Variants in LPCAT1 observed in about 807,000 individuals in gnomAD.
The protein encoded by LPCAT1 is 1-acylglycerol-3-phosphate O-acyltransferase.
Under a neutral mutation model 60.9 loss-of-function variants are expected in LPCAT1, and 23 were observed. The ratio of observed to expected loss-of-function variants is 0.38; its 90% CI spans 0.27 to 0.53. The LOEUF is 0.53. Ranked by LOEUF, LPCAT1 falls within the 20% of genes least tolerant of loss-of-function variation. The pLI is 0.82. For missense variants in LPCAT1, 622 were observed against 723.6 expected (o/e 0.86, Z 1.61); for synonymous variants, 340 against 301.1 (o/e 1.13, Z -1.34).
intron 12 of LPCAT1, among the ~76,000 whole-genome samples, chr5:1,467,487 G>T (rs1355358807): frequency 6.6e-6 from 1 of 152,146 alleles, no homozygotes; most frequent in Admixed American, 6.5e-5. Context: ...TCCTGCTCCA[G>T]GTGTGGAAGC....
intron 2 of LPCAT1, among the ~76,000 whole-genome samples, chr5:1,499,352 G>C (rs933773456): frequency 1.2e-4 from 19 of 152,274 alleles, no homozygotes; most frequent in Admixed American, 1.1e-3. Flanking sequence ...AAAGCACCAC[G>C]AAGCCATTGC....
In LPCAT1 at chr5:1,523,802, T is replaced by C; in HGVS notation, c.43A>G (p.Ser15Gly). 1 of 1,104,028 alleles carries C rather than the reference T, an allele frequency of 9.1e-7. No homozygotes were observed. The highest frequency in any genetic ancestry group is 3.7e-5 in the South Asian group (1 of 27,068). The allele number at this position is 1,104,028 out of a possible 1,614,324, so 68.4% of individuals were successfully genotyped here. The change falls in exon 1 of 14, where the codon AGC (serine) becomes GGC (glycine). Residue 15 changes from serine (S) to glycine (G), a missense_variant. Transcript: ENST00000283415. The surrounding 1 kb of genome is among the most constrained non-coding windows in gnomAD (Gnocchi z 7.1). ...GCGPRAAPAS[S>G]AGASDARLLA... is the part of the protein sequence containing the mutation. ...AGCCGAGCGTCGCTGGCCCCTGCGC[T>C]GGAGGCAGGGGCGGCCCGGGGTCCG...
intron 1 of LPCAT1, among the ~76,000 whole-genome samples, chr5:1,508,984 G>A (rs779746790): frequency 2.6e-5 from 4 of 152,264 alleles, no homozygotes; most frequent in Admixed American, 6.5e-5. Context: ...GTGCACTCAC[G>A]CCATCGCGGT....
rs529837008 is a variant in LPCAT1 at position 1,519,078 on chromosome 5, G to A, written c.135+4632C>T. Among the ~76,000 whole-genome samples, 8 of 152,372 alleles carry A rather than the reference G, an allele frequency of 5.3e-5. No homozygotes were observed. In the South Asian group the frequency reaches 1.4e-3, roughly 28 times the overall value. On this transcript the variant is annotated intron_variant, in intron 1 of 13. Coordinates refer to ENST00000283415, the MANE Select transcript of LPCAT1 (RefSeq NM_024830.5). ...GAGTTTTAAAAGTTGGCACAGATGC[G>A]TGCTGACAATATAAGATAAAGGGCT...
At position 1,483,801 on chromosome 5, in the gene LPCAT1, GAC is replaced by G. The variant is rs1735261530; in HGVS notation, c.668-317_668-316del. Among the ~76,000 whole-genome samples the G allele has an allele frequency of 6.7e-6, 1 of 149,862 alleles. No homozygotes were observed. Among genetic ancestry groups the G allele is most frequent in the East Asian group, 2.0e-4 (1 of 4,964 alleles). On this transcript the variant is annotated intron_variant, in intron 5 of 13. Coordinates refer to ENST00000283415, the MANE Select transcript of LPCAT1 (RefSeq NM_024830.5). This position sits in a 1 kb window ranked among gnomAD's most constrained non-coding sequence, Gnocchi z 9.2. ...TTATAACATTGCGCACGAGCTGGAA[GAC>G]ATCCGTGGAGGGACACTTTCTGCTG... is the stretch of plus-strand genomic sequence containing the variant.
At position 1,523,864 on chromosome 5, in the gene LPCAT1, G is replaced by T; in HGVS notation, c.-20C>A. The T allele has an allele frequency of 9.6e-7, 1 of 1,043,044 alleles. No homozygotes were observed. The allele number at this position is 1,043,044 out of a possible 1,614,324, so 64.6% of individuals were successfully genotyped here. A position where few individuals can be genotyped will look rare whatever the true frequency, so the allele number is the denominator to read the frequency against. On this transcript the variant is annotated 5_prime_UTR_variant, in exon 1 of 14. Coordinates refer to ENST00000283415, the MANE Select transcript of LPCAT1 (RefSeq NM_024830.5). This position sits in a 1 kb window ranked among gnomAD's most constrained non-coding sequence, Gnocchi z 7.1. The stretch of plus-strand genomic sequence containing the variant: ...CCTCATGGCCGCGCCGTCCCGCGGC[G>T]AGCGCAGCCGAGCTGCCTGGGGCGC...
chr5:1,523,250 G>A lies in LPCAT1; in HGVS notation c.135+460C>T, dbSNP rs1736728275. On this transcript the variant is annotated intron_variant, in intron 1 of 13. Transcript: ENST00000283415. This position sits in a 1 kb window ranked among gnomAD's most constrained non-coding sequence, Gnocchi z 7.1. ...CCGCGGGCCGCGTCCAGGCAAAGCCGCTCCGGAGTCCCCGGGCTGCGCGCA... is the reference window on the plus strand; with the variant it reads ...CCGCGGGCCGCGTCCAGGCAAAGCCACTCCGGAGTCCCCGGGCTGCGCGCA... 6.6e-6 allele frequency among the ~76,000 whole-genome samples: 1 copy of A among 151,972 alleles called. No individual in the cohort carries two copies.
At chr5:1,479,771 C>T in intron 7 of LPCAT1, 96 bp from the exon 8 acceptor site, 1 of 949,322 alleles carries the variant, frequency 1.1e-6, no homozygotes. Context: ...GACGCGCCCT[C>T]CAGAGGGCGC....
Position 1,480,957 on chromosome 5 carries a change from C to T in LPCAT1, c.746G>A (p.Trp249Ter). 2 of 1,613,858 alleles carry T rather than the reference C, an allele frequency of 1.2e-6. No homozygotes were observed. Among genetic ancestry groups the T allele is most frequent in the Non-Finnish European group, 1.7e-6 (2 of 1,180,012 alleles). The change falls in exon 7 of 14, where the codon TGG (tryptophan) becomes TAG (stop). Residue 249 changes from tryptophan to a stop codon, truncating the protein, a stop_gained. Transcript: ENST00000283415. LOFTEE classifies it high-confidence loss of function. The surrounding 1 kb of genome is among the most constrained non-coding windows in gnomAD (Gnocchi z 6.4). Reference sequence around the variant, plus strand: ...TTCAACTTACGCTCCAGGTCCTTGCCACGTCCATGTGATGGTGTCCTGGGG... The same window carrying T: ...TTCAACTTACGCTCCAGGTCCTTGCTACGTCCATGTGATGGTGTCCTGGGG... ...PNKLDTITWT[W>*]QGPGALEILW...
At chr5:1,516,296 G>T (rs1281585470) in intron 1 of LPCAT1, among the ~76,000 whole-genome samples, 1 of 152,236 alleles carries the variant, frequency 6.6e-6, no homozygotes, top group African/African-American at 2.4e-5. Context: ...CTTGATGGAT[G>T]CATGGGACCC....
intron 9 of LPCAT1, among the ~76,000 whole-genome samples, chr5:1,475,799 A>T: frequency 1.3e-5 from 1 of 77,380 alleles, no homozygotes. Flanking sequence ...TCCCATCTCC[A>T]CTCCGAGTGG....
chr5:1,478,940 G>A (rs1417995123), intron 8 of LPCAT1, among the ~76,000 whole-genome samples: 1 of 152,190 alleles, frequency 6.6e-6, no homozygotes, highest in Non-Finnish European at 1.5e-5. Context: ...CTGAGAAGGG[G>A]GATCTTTGAC....
At chr5:1,512,734 G>A (rs865857911) in intron 1 of LPCAT1, among the ~76,000 whole-genome samples, 3 of 152,216 alleles carry the variant, frequency 2.0e-5, no homozygotes, top group East Asian at 1.9e-4. Flanking sequence ...GCTCACACCC[G>A]TGATGCCAGC....
intron 13 of LPCAT1, among the ~76,000 whole-genome samples, chr5:1,464,122 A>G (rs1283245565): frequency 6.6e-6 from 1 of 152,230 alleles, no homozygotes; most frequent in Non-Finnish European, 1.5e-5. Context: ...CGACAGATAT[A>G]TCCCGGGGAC....
chr5:1,482,824 C>T (rs564741825), intron 6 of LPCAT1, among the ~76,000 whole-genome samples: 43 of 152,176 alleles, frequency 2.8e-4, no homozygotes, highest in African/African-American at 1.0e-3. Context: ...TCTGAGGCCT[C>T]GTCCAGACTT....
chr5:1,482,713 A>T (rs865869695), intron 6 of LPCAT1, among the ~76,000 whole-genome samples: 1 of 7,982 alleles, frequency 1.3e-4, no homozygotes, highest in Non-Finnish European at 2.3e-4. Context: ...GGGCCAGGGC[A>T]GGCTGGGGTG....
intron 13 of LPCAT1, among the ~76,000 whole-genome samples, chr5:1,465,336 GT>G (rs1734327344): frequency 8.1e-6 from 1 of 122,790 alleles, no homozygotes; most frequent in African/African-American, 3.3e-5. Flanking sequence ...CAGGCACACA[GT>G]AACTAAACAC....
chr5:1,512,292 C>A (rs1421805111), intron 1 of LPCAT1, among the ~76,000 whole-genome samples: 2 of 152,190 alleles, frequency 1.3e-5, no homozygotes, highest in Non-Finnish European at 2.9e-5. Flanking sequence ...AGCCGCTGGG[C>A]CGGCCACACC....
At chr5:1,500,943 A>G (rs1735981471) in intron 2 of LPCAT1, among the ~76,000 whole-genome samples, 1 of 152,164 alleles carries the variant, frequency 6.6e-6, no homozygotes, top group African/African-American at 2.4e-5. Context: ...GGACCTCCCT[A>G]GGCAGGAGGC....
Sources: gnomAD v4.1 joint callset for allele counts (sites outside exome capture counted in the v4.1 genomes callset) on GRCh38, gnomAD v4.1.1 for gene constraint, Gnocchi (gnomAD v3.1) non-coding constraint, MANE v1.5 for transcripts, NCBI Gene and HGNC (gene_info 2026-07-23, HGNC 2026-07-21) for gene names.